Variants in STAC observed in about 807,000 individuals in gnomAD.
STAC encodes SH3 and cysteine-rich domain-containing protein.
In STAC, 43 loss-of-function variants were observed where a neutral mutation model predicts 48.8. The observed-to-expected ratio is 0.88, with a 90% CI of 0.69 to 1.14. The LOEUF (loss-of-function observed/expected upper bound fraction) is 1.14. Among genes scored for constraint, STAC ranks in the 50% most tolerant of loss-of-function variants. The probability of loss-of-function intolerance (pLI) is 0.00; values close to 1 mark genes in which losing one functional copy is unlikely to be tolerated. For synonymous variants in STAC, 193 were observed against 179.5 expected, an observed-to-expected ratio of 1.07 and a Z score of -0.60; for missense variants, 497 against 504.0, an observed-to-expected ratio of 0.99 and a Z score of 0.13.
In STAC at chr3:36,444,229, A is replaced by G. The variant is rs780102759; in HGVS notation, c.388+589A>G. Among the ~76,000 whole-genome samples the G allele has an allele frequency of 2.2e-4, 33 of 152,288 alleles. 1 individual carries two copies. In the Middle Eastern group the frequency reaches 0.014, roughly 63 times the overall value. ...CTCATGTTCTCATGGTCTAGTCCCTATGACTCATTTTCTTCTTTTAAATGG... is the reference window on the plus strand; with the variant it reads ...CTCATGTTCTCATGGTCTAGTCCCTGTGACTCATTTTCTTCTTTTAAATGG... On this transcript the variant is annotated intron_variant, in intron 2 of 10. Transcript: ENST00000273183.
chr3:36,464,534 C>T (rs1388221645), intron 2 of STAC, among the ~76,000 whole-genome samples: 1 of 151,936 alleles, frequency 6.6e-6, no homozygotes, highest in Non-Finnish European at 1.5e-5. Context: ...TTTGGTGTAC[C>T]TATTACTTGA....
At chr3:36,427,993 G>T (rs904605429) in intron 1 of STAC, among the ~76,000 whole-genome samples, 50 of 152,058 alleles carry the variant, frequency 3.3e-4, no homozygotes, top group African/African-American at 1.1e-3. Flanking sequence ...ACAATGAAAA[G>T]CTGACACTAT....
At chr3:36,518,259 G>C (rs78277832) in intron 8 of STAC, among the ~76,000 whole-genome samples, 5,318 of 152,260 alleles carry the variant, frequency 0.035, 131 homozygotes, top group East Asian at 0.073. Flanking sequence ...AAAGGATTGA[G>C]AGTAAATAAA....
chr3:36,512,156 G>C (rs1028199877), intron 8 of STAC, among the ~76,000 whole-genome samples: 1 of 152,116 alleles, frequency 6.6e-6, no homozygotes, highest in Non-Finnish European at 1.5e-5. Context: ...CTCTATTGCT[G>C]AGTAAAATCG....
At chr3:36,387,133 A>G (rs1239792085) in intron 1 of STAC, among the ~76,000 whole-genome samples, 1 of 152,114 alleles carries the variant, frequency 6.6e-6, no homozygotes, top group East Asian at 1.9e-4. Flanking sequence ...TCCATGAATA[A>G]GAATTCCAAG....
intron 1 of STAC, among the ~76,000 whole-genome samples, chr3:36,407,696 T>C (rs1271402006): frequency 1.3e-5 from 2 of 152,254 alleles, no homozygotes; most frequent in African/African-American, 4.8e-5. Context: ...AAGAAGTTTA[T>C]TTCTCATTCA....
chr3:36,479,733 T>C (rs1697594297), intron 2 of STAC, among the ~76,000 whole-genome samples: 1 of 152,212 alleles, frequency 6.6e-6, no homozygotes, highest in South Asian at 2.1e-4. Flanking sequence ...CTGAGACAGA[T>C]TCAAATTTAA....
chr3:36,451,044 A>G (rs1442152344), intron 2 of STAC, among the ~76,000 whole-genome samples: 1 of 151,960 alleles, frequency 6.6e-6, no homozygotes, highest in Non-Finnish European at 1.5e-5. Context: ...ACAGAAGAGG[A>G]TTTGCATTTC....
At chr3:36,405,802 C>T (rs1047860908) in intron 1 of STAC, among the ~76,000 whole-genome samples, 2 of 152,184 alleles carry the variant, frequency 1.3e-5, no homozygotes, top group African/African-American at 4.8e-5. Flanking sequence ...CGCACTGCAG[C>T]CTCCAAATGC....
At position 36,388,530 on chromosome 3, in the gene STAC, A is replaced by T. The variant is rs528526598; in HGVS notation, c.111+7776A>T. On this transcript the variant is annotated intron_variant, in intron 1 of 10. Transcript: ENST00000273183. ...ATTTAGCTATGTTTTCTTCTTTTCA[A>T]TTATATTTAGAAAGGACTTCCCAAC... 2.6e-5 allele frequency among the ~76,000 whole-genome samples: 4 copies of T among 151,874 alleles called. No individual in the cohort carries two copies. The South Asian group carries it at 8.3e-4, about 32-fold the overall frequency.
In STAC at chr3:36,443,640, G is replaced by T. The variant is rs2125666969; in HGVS notation, c.388G>T (p.Gly130Ter). ...FCDVCNHMIV[G>*]TNAKHGLRCK... ...TGATGTCTGCAACCACATGATAGTG[G>T]GTAAGGCCTCCCACCCCTTTCTCCA... is the stretch of plus-strand genomic sequence containing the variant. The change falls in exon 2 of 11, where the codon GGA becomes TGA. Residue 130 changes from glycine (G) to a stop codon, truncating the protein, a stop_gained and splice_region_variant. Coordinates refer to ENST00000273183, the MANE Select transcript of STAC (RefSeq NM_003149.3). LOFTEE classifies it high-confidence loss of function. This position sits in a 1 kb window ranked among gnomAD's most constrained non-coding sequence, Gnocchi z 4.2. 1 of 1,609,380 alleles carries T rather than the reference G, an allele frequency of 6.2e-7. No individual in the cohort carries two copies. Among genetic ancestry groups the T allele is most frequent in the Admixed American group, 1.7e-5 (1 of 60,024 alleles).
chr3:36,419,254 C>T (rs1700392895), intron 1 of STAC, among the ~76,000 whole-genome samples: 1 of 152,118 alleles, frequency 6.6e-6, no homozygotes, highest in African/African-American at 2.4e-5. Context: ...TGTCATTCTC[C>T]TTCCTAATTC....
intron 1 of STAC, among the ~76,000 whole-genome samples, chr3:36,406,916 G>A (rs73059910): frequency 0.023 from 3,543 of 152,256 alleles, 61 homozygotes; most frequent in East Asian, 0.026. Flanking sequence ...ATGAATTAAT[G>A]TATGGATGAA....
intron 2 of STAC, among the ~76,000 whole-genome samples, chr3:36,454,808 T>TA (rs759703823): frequency 1.4e-4 from 22 of 152,182 alleles, no homozygotes; most frequent in Non-Finnish European, 7.4e-5. Context: ...ACTGAAGTCT[T>TA]ATATGATCAA....
At chr3:36,399,282 A>G (rs1699952431) in intron 1 of STAC, among the ~76,000 whole-genome samples, 1 of 152,212 alleles carries the variant, frequency 6.6e-6, no homozygotes, top group African/African-American at 2.4e-5. Flanking sequence ...CACCCTCTAC[A>G]GTGGGTTCCT....
chr3:36,538,778 G>A (rs1699256725), intron 10 of STAC, among the ~76,000 whole-genome samples: 1 of 151,888 alleles, frequency 6.6e-6, no homozygotes, highest in Admixed American at 6.6e-5. Flanking sequence ...ATATATATAG[G>A]GCATTTTTTA....
chr3:36,540,718 A>T (rs1047773021), intron 10 of STAC, among the ~76,000 whole-genome samples: 1 of 152,128 alleles, frequency 6.6e-6, no homozygotes. Flanking sequence ...CCTAAAATTA[A>T]ATAATCCCCT....
intron 1 of STAC, chr3:36,409,617 T>C (rs1700150590): frequency 1.3e-5 from 2 of 152,204 alleles, no homozygotes; most frequent in Admixed American, 1.3e-4. Flanking sequence ...ACACAAATGA[T>C]TCTGCACAGT....
At position 36,547,359 on chromosome 3, in the gene STAC, T is replaced by C. The variant is rs1699471749; in HGVS notation, c.*1070T>C. ...GGGCAGTATATGAAATCCTAGCAGATGTAAAATGGAAAAGAATCCTAATGC... is the reference window on the plus strand; with the variant it reads ...GGGCAGTATATGAAATCCTAGCAGACGTAAAATGGAAAAGAATCCTAATGC... On this transcript the variant is annotated 3_prime_UTR_variant, in exon 11 of 11. Coordinates refer to ENST00000273183, the MANE Select transcript of STAC (RefSeq NM_003149.3). 1 of 152,620 alleles carries C rather than the reference T, an allele frequency of 6.6e-6. No individual in the cohort carries two copies. The highest frequency in any genetic ancestry group is 2.4e-5 in the African/African-American group (1 of 41,456). The allele number at this position is 152,620 out of a possible 1,614,324, so 9.5% of individuals were successfully genotyped here. A position where few individuals can be genotyped will look rare whatever the true frequency, so the allele number is the denominator to read the frequency against.
Sources: gnomAD v4.1 joint callset for allele counts (sites outside exome capture counted in the v4.1 genomes callset) on GRCh38, gnomAD v4.1.1 for gene constraint, Gnocchi (gnomAD v3.1) non-coding constraint, MANE v1.5 for transcripts, NCBI Gene and HGNC (gene_info 2026-07-23, HGNC 2026-07-21) for gene names.